AGBL4: variants seen among roughly 807,000 people sequenced by gnomAD.
AGBL4 encodes AGBL carboxypeptidase 4, also known as cytosolic carboxypeptidase 6.
Under a neutral mutation model 66.4 loss-of-function variants are expected in AGBL4, and 58 were observed. The observed-to-expected ratio is 0.87, with a 90% CI of 0.71 to 1.09. The LOEUF (loss-of-function observed/expected upper bound fraction) is 1.09, where lower values mean the gene tolerates loss of function less well. AGBL4 is among the 50% of genes least tolerant of loss of function. The pLI, the probability that AGBL4 is intolerant of heterozygous loss-of-function variation, is 0.00. For synonymous variants in AGBL4, 234 were observed against 222.9 expected (o/e 1.05, Z -0.44); for missense variants, 579 against 631.0 (o/e 0.92, Z 0.88).
chr1:49,212,349 G>A (rs745423931), intron 4 of AGBL4, among the ~76,000 whole-genome samples: 17 of 151,934 alleles, frequency 1.1e-4, no homozygotes, highest in African/African-American at 2.9e-4. Context: ...ACAAAGCTAC[G>A]GCATATAAAA....
chr1:49,971,907 G>GTTGTTTTTTTTTTTGTTTTTTTTTTT (rs1553155278), intron 1 of AGBL4, among the ~76,000 whole-genome samples: 1 of 23,428 alleles, frequency 4.3e-5, no homozygotes, highest in Non-Finnish European at 7.9e-5. Context: ...GTTTTTTTGG[G>GTTGTTTTTTTTTTTGTTTTTTTTTTT]TTTTTTTTTT....
At chr1:48,561,302 CCTTT>C (rs1644394005) in intron 11 of AGBL4, among the ~76,000 whole-genome samples, 3 of 151,888 alleles carry the variant, frequency 2.0e-5, no homozygotes, top group African/African-American at 4.8e-5. Flanking sequence ...TTCTCTCTCT[CCTTT>C]CTTTCTTTTG....
At chr1:49,126,796 A>C (rs555946174) in intron 4 of AGBL4, among the ~76,000 whole-genome samples, 78 of 152,232 alleles carry the variant, frequency 5.1e-4, no homozygotes, top group Admixed American at 2.6e-3. Flanking sequence ...GTTTTCCCTG[A>C]CTAGACATAG....
At chr1:49,395,860 T>C (rs1570613718) in intron 3 of AGBL4, among the ~76,000 whole-genome samples, 1 of 137,948 alleles carries the variant, frequency 7.2e-6, no homozygotes, top group African/African-American at 2.8e-5. Context: ...CACACATAAA[T>C]ATATATATAT....
At chr1:49,144,500 T>TGA (rs1175619942) in intron 4 of AGBL4, among the ~76,000 whole-genome samples, 5 of 150,684 alleles carry the variant, frequency 3.3e-5, no homozygotes, top group Non-Finnish European at 7.4e-5. Flanking sequence ...CTCACTTCTG[T>TGA]GCAATCCTAT....
intron 6 of AGBL4, among the ~76,000 whole-genome samples, chr1:48,686,000 A>G (rs568734011): frequency 7.9e-5 from 12 of 152,274 alleles, no homozygotes; most frequent in Admixed American, 2.6e-4. Context: ...GAGATGAGAA[A>G]ACTGAGGCTC....
At chr1:49,861,087 C>A (rs538753479) in intron 1 of AGBL4, among the ~76,000 whole-genome samples, 2 of 152,218 alleles carry the variant, frequency 1.3e-5, no homozygotes, top group South Asian at 4.1e-4. Flanking sequence ...AGCTGATGCC[C>A]ACCCACAGAG....
intron 3 of AGBL4, among the ~76,000 whole-genome samples, chr1:49,689,775 G>C (rs975919323): frequency 2.0e-5 from 3 of 152,020 alleles, no homozygotes; most frequent in Non-Finnish European, 4.4e-5. Context: ...CCATAAACGA[G>C]AGCTTTCAGT....
chr1:49,590,444 G>A (rs922751855), intron 3 of AGBL4, among the ~76,000 whole-genome samples: 3 of 151,210 alleles, frequency 2.0e-5, no homozygotes, highest in Admixed American at 6.6e-5. Flanking sequence ...TACTTTGTTC[G>A]ATCAGTTGTT....
At chr1:49,795,100 A>G (rs533023009) in intron 2 of AGBL4, among the ~76,000 whole-genome samples, 1 of 152,092 alleles carries the variant, frequency 6.6e-6, no homozygotes, top group South Asian at 2.1e-4. Context: ...GAAGAAAGTC[A>G]CTGGGCTAAA....
intron 5 of AGBL4, among the ~76,000 whole-genome samples, chr1:49,031,195 C>T (rs1177214033): frequency 6.6e-6 from 1 of 152,038 alleles, no homozygotes; most frequent in Non-Finnish European, 1.5e-5. Flanking sequence ...TCAAGCAATT[C>T]TCCTGCCTCA....
At chr1:49,797,736 C>T (rs1378850423) in intron 2 of AGBL4, among the ~76,000 whole-genome samples, 1 of 152,044 alleles carries the variant, frequency 6.6e-6, no homozygotes, top group Non-Finnish European at 1.5e-5. Context: ...TGAGTCACTG[C>T]GCAGCACAGC....
intron 3 of AGBL4, among the ~76,000 whole-genome samples, chr1:49,304,091 C>G (rs1644805503): frequency 6.6e-6 from 1 of 152,094 alleles, no homozygotes; most frequent in Non-Finnish European, 1.5e-5. Context: ...AGATTTTCTT[C>G]TAGGGTTTTT....
At chr1:48,786,791 G>C (rs576907181) in intron 6 of AGBL4, among the ~76,000 whole-genome samples, 1 of 151,994 alleles carries the variant, frequency 6.6e-6, no homozygotes, top group Admixed American at 6.5e-5. Flanking sequence ...TGCCGGGGAA[G>C]AGTGGAGGAT....
chr1:49,099,381 T>A (rs929535785), intron 4 of AGBL4, among the ~76,000 whole-genome samples: 1 of 152,186 alleles, frequency 6.6e-6, no homozygotes, highest in African/African-American at 2.4e-5. Flanking sequence ...TAAAAAGTCA[T>A]GAAGTGTAAA....
chr1:48,550,403 GC>G (rs1644231556), intron 11 of AGBL4, among the ~76,000 whole-genome samples: 1 of 151,964 alleles, frequency 6.6e-6, no homozygotes, highest in Admixed American at 6.6e-5. Flanking sequence ...TCCCATCTCT[GC>G]CCCCATGGTC....
intron 3 of AGBL4, among the ~76,000 whole-genome samples, chr1:49,366,413 A>T (rs1300372489): frequency 1.3e-5 from 2 of 152,226 alleles, no homozygotes; most frequent in Non-Finnish European, 2.9e-5. Context: ...GAGAAAAAAA[A>T]TCATCCCTCC....
chr1:48,916,198 G>C (rs1271417766), intron 5 of AGBL4, among the ~76,000 whole-genome samples: 4 of 152,312 alleles, frequency 2.6e-5, no homozygotes, highest in Middle Eastern at 3.4e-3. Flanking sequence ...CAGAGAAATA[G>C]ACGTTCTGCG....
intron 3 of AGBL4, among the ~76,000 whole-genome samples, chr1:49,457,612 T>G (rs1646419036): frequency 6.6e-6 from 1 of 151,630 alleles, no homozygotes; most frequent in Non-Finnish European, 1.5e-5. Context: ...TGCTTTTGGG[T>G]TCTTGGTCAC....
Sources: allele counts gnomAD v4.1 joint callset (sites outside exome capture counted in the v4.1 genomes callset), GRCh38; gene constraint gnomAD v4.1.1; transcripts MANE v1.5; gene names NCBI Gene and HGNC (gene_info 2026-07-23, HGNC 2026-07-21).